The following CNN2 variants were observed in gnomAD, a reference collection of about 807,000 sequenced individuals.
The protein encoded by CNN2 is calponin 2, also known as calponin-2.
CNN2 carries 21 observed loss-of-function variants against 31.0 expected under a neutral mutation model. The observed-to-expected ratio is 0.68, with a 90% confidence interval of 0.48 to 0.98. The LOEUF (loss-of-function observed/expected upper bound fraction) is 0.98, where lower values mean the gene tolerates loss of function less well. CNN2 is among the 50% of genes least tolerant of loss of function. The pLI is 0.00. For synonymous variants in CNN2, 165 were observed against 179.6 expected (o/e 0.92, Z 0.65); for missense variants, 399 against 427.3 (o/e 0.93, Z 0.58).
intron 2 of CNN2, among the ~76,000 whole-genome samples, chr19:1,032,025 C>G (rs1343707518): frequency 2.0e-5 from 3 of 151,794 alleles, no homozygotes; most frequent in Non-Finnish European, 4.4e-5. Context: ...GTCAGGAGAT[C>G]GAGACCAGCC....
intron 3 of CNN2, 46 bp from the exon 4 acceptor site, chr19:1,032,513 G>T (rs758410090): frequency 1.7e-5 from 28 of 1,613,386 alleles, no homozygotes; most frequent in Non-Finnish European, 2.3e-5. Context: ...TCTAACAGGT[G>T]GGGAGACTGA....
At chr19:1,031,971 T>C (rs1262997290) in intron 2 of CNN2, among the ~76,000 whole-genome samples, 9 of 151,926 alleles carry the variant, frequency 5.9e-5, no homozygotes, top group African/African-American at 1.9e-4. Flanking sequence ...GGCTCACGCT[T>C]GTAATCCCAG....
chr19:1,032,821 C>T (rs1016155221), intron 4 of CNN2, 125 bp downstream of exon 4: 2 of 751,464 alleles, frequency 2.7e-6, no homozygotes. Context: ...CTCTGTCACT[C>T]AGGCTGGAGT....
At chr19:1,035,933 T>TA in intron 4 of CNN2, 197 bp from the exon 5 acceptor site, 2 of 778,296 alleles carry the variant, frequency 2.6e-6, no homozygotes, top group Non-Finnish European at 3.6e-6. Flanking sequence ...AAAATAAAAA[T>TA]AAAAAACTGA....
intron 2 of CNN2, 101 bp from the exon 3 acceptor site, chr19:1,032,291 C>G: frequency 1.4e-6 from 2 of 1,452,368 alleles, no homozygotes; most frequent in South Asian, 2.3e-5. Flanking sequence ...GTGAGTTTGC[C>G]CAGGAAGGCG....
At chr19:1,033,372 C>T (rs934310279) in intron 4 of CNN2, among the ~76,000 whole-genome samples, 3 of 151,898 alleles carry the variant, frequency 2.0e-5, no homozygotes, top group Non-Finnish European at 4.4e-5. Context: ...ACAAAAATTA[C>T]CTGGGCGTGG....
rs1299741594 is a variant in CNN2, at chr19:1,038,728, C to G, written c.*828C>G. On this transcript the variant is annotated 3_prime_UTR_variant, in exon 7 of 7. Transcript: ENST00000263097. Reference sequence around the variant, plus strand: ...AGCTAGGACTGCAGGTGCTCCACCACGCCCGGCTAATTTTTGTATTTTTAG... The same window carrying G: ...AGCTAGGACTGCAGGTGCTCCACCAGGCCCGGCTAATTTTTGTATTTTTAG... 1 of 152,250 alleles carries G rather than the reference C, an allele frequency of 6.6e-6. No individual in the cohort carries two copies. Among genetic ancestry groups the G allele is most frequent in the African/African-American group, 2.4e-5 (1 of 41,432 alleles). 9.4% of individuals were successfully genotyped at this position (152,250 alleles called of 1,614,324 possible).
At chr19:1,031,967 C>T (rs1321160177) in intron 2 of CNN2, among the ~76,000 whole-genome samples, 1 of 151,834 alleles carries the variant, frequency 6.6e-6, no homozygotes, top group East Asian at 2.0e-4. Context: ...TGGTGGCTCA[C>T]GCTTGTAATC....
At chr19:1,026,863 G>A in intron 1 of CNN2, 139 bp downstream of exon 1, 1 of 770,494 alleles carries the variant, frequency 1.3e-6, no homozygotes, top group Non-Finnish European at 2.0e-6. Context: ...TGTTCTCCCT[G>A]ACGCCTGGTG....
intron 2 of CNN2, among the ~76,000 whole-genome samples, 163 bp downstream of exon 2, chr19:1,031,355 T>G (rs1366957491): frequency 7.6e-6 from 1 of 132,436 alleles, no homozygotes; most frequent in Admixed American, 7.6e-5. Context: ...GGGCGGTGGA[T>G]CTCGAGGTCA....
intron 1 of CNN2, among the ~76,000 whole-genome samples, chr19:1,028,252 CGGGGTGGGGT>C (rs954740998): frequency 1.8e-4 from 1 of 5,570 alleles, no homozygotes; most frequent in East Asian, 2.9e-3. Flanking sequence ...CTTCCGGAGA[CGGGGTGGGGT>C]GGGGTGGGGG....
At chr19:1,032,880 G>A (rs2039522669) in intron 4 of CNN2, 184 bp downstream of exon 4, 1 of 543,238 alleles carries the variant, frequency 1.8e-6, no homozygotes, top group East Asian at 3.2e-5. Context: ...CCAGGTTCAA[G>A]CGATTCTTCT....
rs759862918 is a variant in CNN2, at chr19:1,032,661, C to G, written c.355C>G (p.Gln119Glu). The G allele has an allele frequency of 1.2e-6, 2 of 1,612,200 alleles. No homozygotes were observed. The change falls in exon 4 of 7, where the codon CAG becomes GAG. Residue 119 changes from glutamine (Q) to glutamate (E), a missense_variant. Transcript: ENST00000263097. ...CCTGTTTGAGAGTGGGAACATGACG[C>G]AGGTGCAGGTGTCTCTTCTCGCCCT... ...NDLFESGNMTQVQVSLLALAG... is the reference protein window; with the variant it reads ...NDLFESGNMTEVQVSLLALAG...
chr19:1,030,797 C>G (rs1204805063), intron 1 of CNN2: 11 of 289,652 alleles, frequency 3.8e-5, no homozygotes, highest in South Asian at 3.0e-4. Context: ...TGTCCTGCAC[C>G]GGGAGTGGAT....
chr19:1,030,878 G>C lies in CNN2; in HGVS notation c.64-193G>C. 6 of 628,866 alleles carry C rather than the reference G, an allele frequency of 9.5e-6. 1 individual carries two copies. The Middle Eastern group carries it at 2.0e-3, about 206-fold the overall frequency. The allele number at this position is 628,866 out of a possible 1,614,324, so 39.0% of individuals were successfully genotyped here. On this transcript the variant is annotated intron_variant, in intron 1 of 6. Transcript: ENST00000263097. The stretch of plus-strand genomic sequence containing the variant: ...CTTGGAGGGCGGTTTATCTGTGCCC[G>C]CCTGCAGTGGCTGGGGCGCCCCCAA...
At chr19:1,036,082 T>G in intron 4 of CNN2, 48 bp from the exon 5 acceptor site, 1 of 1,542,494 alleles carries the variant, frequency 6.5e-7, no homozygotes, top group Non-Finnish European at 8.7e-7. Context: ...AGATCTAGGG[T>G]CCCTGGCTGC....
chr19:1,037,046 TG>T, intron 6 of CNN2: 1 of 227,764 alleles, frequency 4.4e-6, no homozygotes, highest in Non-Finnish European at 8.9e-6. Flanking sequence ...TTAGTAGACA[TG>T]GGGTTTCACC....
intron 4 of CNN2, 71 bp from the exon 5 acceptor site, chr19:1,036,059 G>GC (rs761915724): frequency 2.0e-6 from 3 of 1,499,640 alleles, no homozygotes; most frequent in Non-Finnish European, 2.7e-6. Flanking sequence ...TCTCTGTCCC[G>GC]CCCCCAGGGC....
In CNN2 at chr19:1,037,964, TTCA is replaced by T; in HGVS notation, c.*67_*69del. ...CTGGGTTTTTGGGTTTTTCTGTGTTTTCATCTTTTTTTTTTTTTTCTTAACCCG... is the reference window on the plus strand; with the variant it reads ...CTGGGTTTTTGGGTTTTTCTGTGTTTTCTTTTTTTTTTTTTTCTTAACCCG... On this transcript the variant is annotated 3_prime_UTR_variant, in exon 7 of 7. Transcript: ENST00000263097. The T allele has an allele frequency of 1.4e-6, 2 of 1,440,348 alleles. No individual in the cohort carries two copies. Among genetic ancestry groups the T allele is most frequent in the Non-Finnish European group, 1.8e-6 (2 of 1,090,282 alleles). 89.2% of individuals were successfully genotyped at this position (1,440,348 alleles called of 1,614,324 possible).
Sources: gnomAD v4.1 joint callset for allele counts (sites outside exome capture counted in the v4.1 genomes callset) on GRCh38, gnomAD v4.1.1 for gene constraint, MANE v1.5 for transcripts, NCBI Gene and HGNC (gene_info 2026-07-23, HGNC 2026-07-21) for gene names.